Variants in PTPRD observed in about 807,000 individuals in gnomAD.
PTPRD encodes the protein protein tyrosine phosphatase receptor type D, also known as receptor-type tyrosine-protein phosphatase delta.
In PTPRD, 34 loss-of-function variants were observed where a neutral mutation model predicts 214.5. The ratio of observed to expected loss-of-function variants is 0.16; its 90% confidence interval spans 0.12 to 0.21. The LOEUF (loss-of-function observed/expected upper bound fraction) is 0.21. Among genes scored for constraint, PTPRD ranks in the 10% least tolerant of loss-of-function variants. PTPRD has a pLI of 1.00. For missense variants in PTPRD, 2,545 were observed against 2,398.7 expected, an observed-to-expected ratio of 1.06 and a Z score of -1.27; for synonymous variants, 1,128 against 845.7, an observed-to-expected ratio of 1.33 and a Z score of -5.79.
intron 14 of PTPRD, among the ~76,000 whole-genome samples, chr9:8,538,449 A>T (rs556206191): frequency 3.9e-5 from 6 of 151,978 alleles, no homozygotes; most frequent in African/African-American, 1.2e-4. Context: ...ATGGGACTAC[A>T]GAAAACATTC....
intron 2 of PTPRD, among the ~76,000 whole-genome samples, chr9:10,611,491 G>GT (rs1280308292): frequency 3.3e-5 from 5 of 152,092 alleles, no homozygotes; most frequent in African/African-American, 7.2e-5. Flanking sequence ...TAGACTACAT[G>GT]TTTTTTATAT....
intron 9 of PTPRD, among the ~76,000 whole-genome samples, chr9:9,329,531 T>C (rs1399127832): frequency 6.6e-6 from 1 of 152,202 alleles, no homozygotes; most frequent in East Asian, 1.9e-4. Flanking sequence ...CTATTCTCTG[T>C]CTGGATATAC....
intron 11 of PTPRD, among the ~76,000 whole-genome samples, chr9:8,865,449 G>A (rs2098179618): frequency 6.6e-6 from 1 of 152,148 alleles, no homozygotes; most frequent in South Asian, 2.1e-4. Context: ...AATAGGAAAT[G>A]AACTGGTTGT....
intron 5 of PTPRD, among the ~76,000 whole-genome samples, chr9:9,912,338 C>T (rs10816226): frequency 0.15 from 23,065 of 152,062 alleles, 1,771 homozygotes; most frequent in Admixed American, 0.2. Flanking sequence ...AACATTTGTC[C>T]AAAATTTAGA....
intron 8 of PTPRD, among the ~76,000 whole-genome samples, chr9:9,468,267 A>G (rs2094354688): frequency 6.6e-6 from 1 of 151,964 alleles, no homozygotes; most frequent in Non-Finnish European, 1.5e-5. Flanking sequence ...ATTTCCTATA[A>G]TATTTCAAAA....
At chr9:10,195,014 C>A (rs577419593) in intron 3 of PTPRD, among the ~76,000 whole-genome samples, 146 of 149,358 alleles carry the variant, frequency 9.8e-4, no homozygotes, top group African/African-American at 3.4e-3. Context: ...CTCACTGTAA[C>A]CTCTGCCTCC....
chr9:9,749,440 G>T (rs1336491882), intron 6 of PTPRD, among the ~76,000 whole-genome samples: 1 of 152,154 alleles, frequency 6.6e-6, no homozygotes, highest in Non-Finnish European at 1.5e-5. Context: ...CCAGGCTCAG[G>T]AGGGGAAGAA....
chr9:9,385,890 C>T (rs2063721701), intron 9 of PTPRD, among the ~76,000 whole-genome samples: 2 of 152,156 alleles, frequency 1.3e-5, no homozygotes, highest in Non-Finnish European at 1.5e-5. Flanking sequence ...ACTATGACTC[C>T]AGTCTTATGT....
At chr9:8,366,651 C>T (rs1387255179) in intron 39 of PTPRD, among the ~76,000 whole-genome samples, 1 of 151,864 alleles carries the variant, frequency 6.6e-6, no homozygotes. Flanking sequence ...CATTATGACT[C>T]ACTTTCTTTC....
chr9:9,957,718 G>C lies in PTPRD; in HGVS notation c.-471-19108C>G, dbSNP rs74560265. Among the ~76,000 whole-genome samples, 315 of 152,060 alleles carry C rather than the reference G, an allele frequency of 2.1e-3. 2 individuals are homozygous for C. Among genetic ancestry groups the C allele is most frequent in the African/African-American group, 6.9e-3 (286 of 41,514 alleles). The stretch of plus-strand genomic sequence containing the variant: ...CTAAAATTTATATGAAGAGGCAAAA[G>C]ACCCAGAATAGCTAACACAATACTA... On this transcript the variant is annotated intron_variant, in intron 4 of 45. Coordinates refer to ENST00000381196, the MANE Select transcript of PTPRD (RefSeq NM_002839.4).
chr9:9,912,331 A>G (rs913514568), intron 5 of PTPRD, among the ~76,000 whole-genome samples: 15 of 152,138 alleles, frequency 9.9e-5, no homozygotes, highest in African/African-American at 3.1e-4. Context: ...AAACTAAAAC[A>G]TTTGTCCAAA....
rs114350327 is a variant in PTPRD at position 10,175,176 on chromosome 9, A to G, written c.-544-141386T>C. On this transcript the variant is annotated intron_variant, in intron 3 of 45. Coordinates refer to ENST00000381196, the MANE Select transcript of PTPRD (RefSeq NM_002839.4). ...AAAATTATCAGGATGCTGTGCCTGC[A>G]ATAGTACTGCTACTTACTAGCTCTC... 7.6e-3 allele frequency among the ~76,000 whole-genome samples: 1,152 copies of G among 152,200 alleles called. 9 individuals carry two copies. Among genetic ancestry groups the G allele is most frequent in the African/African-American group, 0.026 (1,085 of 41,548 alleles).
chr9:8,759,075 G>C (rs1362202736), intron 11 of PTPRD, among the ~76,000 whole-genome samples: 6 of 151,480 alleles, frequency 4.0e-5, no homozygotes, highest in Non-Finnish European at 2.9e-5. Context: ...CTGTCACCCA[G>C]GCTGGAGTAC....
intron 8 of PTPRD, among the ~76,000 whole-genome samples, chr9:9,496,196 TA>T (rs770169220): frequency 2.6e-5 from 4 of 151,794 alleles, no homozygotes; most frequent in Non-Finnish European, 5.9e-5. Context: ...GCAACAAAAT[TA>T]AAAAAATAGA....
intron 4 of PTPRD, among the ~76,000 whole-genome samples, chr9:9,963,686 A>G (rs752822968): frequency 1.2e-4 from 19 of 152,158 alleles, no homozygotes; most frequent in Non-Finnish European, 2.4e-4. Flanking sequence ...CTTTTTGGTA[A>G]TAAAAACCCC....
intron 11 of PTPRD, among the ~76,000 whole-genome samples, chr9:8,992,607 A>G (rs750226090): frequency 1.3e-5 from 2 of 152,170 alleles, no homozygotes; most frequent in East Asian, 1.9e-4. Context: ...TTCAAGATAC[A>G]TCGATTACTA....
chr9:9,221,908 T>C (rs1409611269), intron 9 of PTPRD, among the ~76,000 whole-genome samples: 3 of 152,042 alleles, frequency 2.0e-5, no homozygotes, highest in Non-Finnish European at 2.9e-5. Flanking sequence ...AAATATAGAC[T>C]CTGAAACCCC....
At chr9:10,271,515 C>A (rs1427490551) in intron 3 of PTPRD, among the ~76,000 whole-genome samples, 1 of 149,288 alleles carries the variant, frequency 6.7e-6, no homozygotes. Flanking sequence ...CTAACCAATA[C>A]TGATAAATTC....
At chr9:9,664,168 G>A (rs189883255) in intron 7 of PTPRD, among the ~76,000 whole-genome samples, 2 of 148,614 alleles carry the variant, frequency 1.3e-5, no homozygotes, top group African/African-American at 2.5e-5. Context: ...CCCTTACACA[G>A]CCTGGCTTTA....
Sources: gnomAD v4.1 joint callset for allele counts (sites outside exome capture counted in the v4.1 genomes callset) on GRCh38, gnomAD v4.1.1 for gene constraint, MANE v1.5 for transcripts, NCBI Gene and HGNC (gene_info 2026-07-23, HGNC 2026-07-21) for gene names.